SLC35D2: variants seen among roughly 807,000 people sequenced by gnomAD.
SLC35D2 encodes nucleotide sugar transporter SLC35D2.
Under a neutral mutation model 41.8 loss-of-function variants are expected in SLC35D2, and 43 were observed. The observed-to-expected ratio is 1.03, with a 90% confidence interval of 0.81 to 1.33. The LOEUF (loss-of-function observed/expected upper bound fraction) is 1.33, where lower values mean the gene tolerates loss of function less well. Among genes scored for constraint, SLC35D2 ranks in the 40% most tolerant of loss-of-function variants. The probability of loss-of-function intolerance (pLI) is 0.00; values close to 1 mark genes in which losing one functional copy is unlikely to be tolerated. For synonymous variants in SLC35D2, 150 were observed against 163.9 expected (o/e 0.92, Z 0.65); for missense variants, 380 against 408.4 (o/e 0.93, Z 0.60).
At chr9:96,362,995 T>A (rs979333636) in intron 3 of SLC35D2, among the ~76,000 whole-genome samples, 8 of 151,688 alleles carry the variant, frequency 5.3e-5, no homozygotes, top group Non-Finnish European at 1.2e-4. Flanking sequence ...GTCTCCCGAG[T>A]AGCTGGGACT....
chr9:96,369,562 A>G (rs1830600163), intron 1 of SLC35D2, among the ~76,000 whole-genome samples: 1 of 152,214 alleles, frequency 6.6e-6, no homozygotes, highest in African/African-American at 2.4e-5. Context: ...ATTGTGTGGT[A>G]TTTGCACAAA....
intron 1 of SLC35D2, among the ~76,000 whole-genome samples, chr9:96,370,203 G>A (rs1470647658): frequency 6.6e-6 from 1 of 152,202 alleles, no homozygotes; most frequent in Non-Finnish European, 1.5e-5. Context: ...CTGGGATGAG[G>A]CCTTTGCTGT....
At chr9:96,351,975 C>T in intron 5 of SLC35D2, 63 bp downstream of exon 5, 3 of 1,058,672 alleles carry the variant, frequency 2.8e-6, no homozygotes, top group Non-Finnish European at 4.3e-6. Context: ...CTAGAATTTG[C>T]TGGGTAAAAG....
At chr9:96,367,279 T>G (rs1830513234) in intron 2 of SLC35D2, among the ~76,000 whole-genome samples, 1 of 150,430 alleles carries the variant, frequency 6.6e-6, no homozygotes, top group African/African-American at 2.4e-5. Context: ...CTTTTCCAGA[T>G]TCACAATTAA....
chr9:96,319,024 T>TA, downstream of SLC35D2, among the ~76,000 whole-genome samples: 1 of 152,144 alleles, frequency 6.6e-6, no homozygotes, highest in Admixed American at 6.5e-5. Context: ...GGCATATATC[T>TA]AAAAAAATTG....
At chr9:96,356,301 G>T (rs551987014) in intron 4 of SLC35D2, among the ~76,000 whole-genome samples, 36 of 151,702 alleles carry the variant, frequency 2.4e-4, no homozygotes, top group Middle Eastern at 6.9e-3. Flanking sequence ...CCAGCCTCAG[G>T]TAGTCCTTTA....
At chr9:96,329,045 G>A (rs957755231) in intron 9 of SLC35D2, among the ~76,000 whole-genome samples, 14 of 147,802 alleles carry the variant, frequency 9.5e-5, no homozygotes, top group African/African-American at 2.3e-4. Context: ...ATGAAATCGC[G>A]TCACTGCATT....
intron 2 of SLC35D2, among the ~76,000 whole-genome samples, chr9:96,367,276 A>T (rs986750059): frequency 1.3e-4 from 19 of 151,906 alleles, no homozygotes; most frequent in Non-Finnish European, 2.5e-4. Flanking sequence ...AGGCTTTTCC[A>T]GATTCACAAT....
At chr9:96,338,154 G>A (rs182716453) in intron 8 of SLC35D2, among the ~76,000 whole-genome samples, 69 of 152,170 alleles carry the variant, frequency 4.5e-4, no homozygotes, top group African/African-American at 1.0e-3. Context: ...AAGACTGCCC[G>A]TAAGTATGTG....
At chr9:96,348,705 G>T (rs1353813738) in intron 6 of SLC35D2, among the ~76,000 whole-genome samples, 1 of 152,192 alleles carries the variant, frequency 6.6e-6, no homozygotes, top group Non-Finnish European at 1.5e-5. Flanking sequence ...GTGAGTGCCA[G>T]AGGAAGAGCC....
intron 9 of SLC35D2, among the ~76,000 whole-genome samples, chr9:96,333,432 T>TA (rs943087665): frequency 6.0e-5 from 9 of 150,156 alleles, no homozygotes; most frequent in Non-Finnish European, 8.9e-5. Flanking sequence ...CCGTCTCTAC[T>TA]AAAAAAATAC....
chr9:96,319,447 C>T (rs1828135795), downstream of SLC35D2, among the ~76,000 whole-genome samples: 1 of 152,010 alleles, frequency 6.6e-6, no homozygotes, highest in Non-Finnish European at 1.5e-5. Flanking sequence ...TCCTACTGGA[C>T]TGTATACACT....
At chr9:96,363,168 AT>A (rs1198865886) in intron 3 of SLC35D2, among the ~76,000 whole-genome samples, 458 of 131,278 alleles carry the variant, frequency 3.5e-3, no homozygotes, top group Middle Eastern at 8.5e-3. Context: ...CACCTGGCTT[AT>A]TTTTTTTTTT....
chr9:96,344,074 G>T, intron 7 of SLC35D2, 78 bp from the exon 8 acceptor site: 2 of 797,332 alleles, frequency 2.5e-6, no homozygotes, highest in Non-Finnish European at 4.0e-6. Flanking sequence ...TTATACAACT[G>T]CATATTCATG....
intron 4 of SLC35D2, among the ~76,000 whole-genome samples, chr9:96,356,319 A>G (rs940980311): frequency 6.6e-6 from 1 of 151,502 alleles, no homozygotes; most frequent in African/African-American, 2.4e-5. Flanking sequence ...TTACAGCAAC[A>G]CTAACAAACT....
chr9:96,357,118 C>T (rs959193705), intron 4 of SLC35D2, among the ~76,000 whole-genome samples: 2 of 152,082 alleles, frequency 1.3e-5, no homozygotes, highest in Admixed American at 1.3e-4. Flanking sequence ...GTGGAGGTTG[C>T]GGTGAGCCGA....
At chr9:96,370,438 C>T (rs144094712) in intron 1 of SLC35D2, among the ~76,000 whole-genome samples, 1 of 152,172 alleles carries the variant, frequency 6.6e-6, no homozygotes, top group Non-Finnish European at 1.5e-5. Context: ...GAGCAGATCA[C>T]CTGAGGTCAG....
intron 1 of SLC35D2, among the ~76,000 whole-genome samples, chr9:96,379,321 AT>A (rs1366149626): frequency 5.0e-4 from 76 of 151,934 alleles, no homozygotes; most frequent in African/African-American, 1.8e-3. Flanking sequence ...AAAAAAAAAA[AT>A]AAGACATAAC....
chr9:96,349,710 G>C (rs974704177), intron 6 of SLC35D2, among the ~76,000 whole-genome samples: 7 of 152,156 alleles, frequency 4.6e-5, no homozygotes, highest in Non-Finnish European at 8.8e-5. Context: ...ATTTTTAGTA[G>C]AGATGGGGTT....
Sources: gnomAD v4.1 joint callset for allele counts (sites outside exome capture counted in the v4.1 genomes callset) on GRCh38, gnomAD v4.1.1 for gene constraint, MANE v1.5 for transcripts, NCBI Gene and HGNC (gene_info 2026-07-23, HGNC 2026-07-21) for gene names.